Variants in FNTB observed in about 807,000 individuals in gnomAD.
FNTB encodes farnesyltransferase, CAAX box, subunit beta.
A neutral mutation model predicts 59.4 loss-of-function variants in FNTB; 27 were observed. The observed-to-expected ratio is 0.45, with a 90% CI of 0.34 to 0.63. The LOEUF (loss-of-function observed/expected upper bound fraction) is 0.63, where lower values mean the gene tolerates loss of function less well. Among genes scored for constraint, FNTB ranks in the 20% least tolerant of loss-of-function variants. The probability of loss-of-function intolerance (pLI) is 0.02; values close to 1 mark genes in which losing one functional copy is unlikely to be tolerated. For synonymous variants in FNTB, 230 were observed against 220.7 expected (o/e 1.04, Z -0.37); for missense variants, 449 against 559.6 (o/e 0.80, Z 1.99).
intron 1 of FNTB, among the ~76,000 whole-genome samples, chr14:65,000,838 A>AAAAAAAAAAAAAAAAAAAG (rs778200008): frequency 0.014 from 1,614 of 115,784 alleles, 112 homozygotes; most frequent in Non-Finnish European, 0.024. Context: ...AAAAAAAAAA[A>AAAAAAAAAAAAAAAAAAAG]AAAGAATAGT....
At chr14:65,019,952 G>C (rs2061854979) in intron 4 of FNTB, among the ~76,000 whole-genome samples, 1 of 152,120 alleles carries the variant, frequency 6.6e-6, no homozygotes, top group Non-Finnish European at 1.5e-5. Flanking sequence ...GAAATGCTTT[G>C]AAATGCGTTC....
Position 65,004,164 on chromosome 14 carries a change from G to T in FNTB, c.145-85G>T, listed in dbSNP as rs1239124987. The T allele has an allele frequency of 6.8e-6, 10 of 1,463,446 alleles. 1 individual carries two copies. In the Admixed American group the frequency reaches 1.8e-4, roughly 26 times the overall value. The allele number at this position is 1,463,446 out of a possible 1,614,324, so 90.7% of individuals were successfully genotyped here. On this transcript the variant is annotated intron_variant, in intron 1 of 11. Coordinates refer to ENST00000246166, the MANE Select transcript of FNTB (RefSeq NM_002028.4). ...CCATACCAACCAACCCTCGCCAATA[G>T]GCATTTGTGGCAATAGGAAGAAAAA...
At position 65,027,731 on chromosome 14, in the gene FNTB, G is replaced by A; in HGVS notation, c.555G>A (p.Lys185=). ...TTCTTCAGTATTTGTACTCCCTGAA[G>A]CAACCTGACGGCTCCTTTCTCATGC... ...EKLLQYLYSL[K]QPDGSFLMHV... is the part of the protein sequence containing the mutation. Residue 185 remains lysine, a synonymous_variant, in exon 6 of 12, where the codon AAG becomes AAA. Transcript: ENST00000246166. This position sits in a 1 kb window ranked among gnomAD's most constrained non-coding sequence, Gnocchi z 5.7. 6.2e-7 allele frequency: 1 copy of A among 1,614,210 alleles called. No homozygotes were observed. Among genetic ancestry groups the A allele is most frequent in the East Asian group, 2.2e-5 (1 of 44,884 alleles).
At position 65,032,304 on chromosome 14, in the gene FNTB, G is replaced by A; in HGVS notation, c.606-306G>A. The A allele has an allele frequency of 4.0e-6, 1 of 249,452 alleles. No individual in the cohort carries two copies. Among genetic ancestry groups the A allele is most frequent in the Non-Finnish European group, 7.6e-6 (1 of 130,738 alleles). 15.5% of individuals were successfully genotyped at this position (249,452 alleles called of 1,614,324 possible). A position where few individuals can be genotyped will look rare whatever the true frequency, so the allele number is the denominator to read the frequency against. ...CAACCATTATAGGTCTTTGAAAGAA[G>A]AGCTGAATCCACTTTTGACATGAAT... is the stretch of plus-strand genomic sequence containing the variant. On this transcript the variant is annotated intron_variant, in intron 6 of 11. Transcript: ENST00000246166. This position sits in a 1 kb window ranked among gnomAD's most constrained non-coding sequence, Gnocchi z 5.0.
chr14:65,039,910 C>T (rs2062307184), intron 7 of FNTB, among the ~76,000 whole-genome samples: 1 of 152,100 alleles, frequency 6.6e-6, no homozygotes, highest in Admixed American at 6.5e-5. Context: ...CACCAGAGGC[C>T]AAGTGCGGTG....
chr14:64,998,490 G>A (rs1183392347), intron 1 of FNTB, among the ~76,000 whole-genome samples: 2 of 152,228 alleles, frequency 1.3e-5, no homozygotes, highest in Non-Finnish European at 2.9e-5. Context: ...GGCAATTGCT[G>A]GACAGATGTC....
intron 2 of FNTB, among the ~76,000 whole-genome samples, chr14:65,006,673 A>G (rs1595003303): frequency 6.6e-6 from 1 of 152,156 alleles, no homozygotes; most frequent in Admixed American, 6.5e-5. Context: ...CTGGGGACAC[A>G]CAGCCTCTGT....
intron 4 of FNTB, among the ~76,000 whole-genome samples, chr14:65,016,171 G>A (rs2061770337): frequency 6.6e-6 from 1 of 152,304 alleles, no homozygotes; most frequent in South Asian, 2.1e-4. Context: ...TGTAGCTCTT[G>A]ATGGGACTGG....
chr14:65,012,838 ACTTTTCATAT>A lies in FNTB; in HGVS notation c.282+453_282+462del, dbSNP rs1373638266. Among the ~76,000 whole-genome samples, 11 of 152,250 alleles carry A rather than the reference ACTTTTCATAT, an allele frequency of 7.2e-5. No homozygotes were observed. Among genetic ancestry groups the A allele is most frequent in the African/African-American group, 2.4e-4 (10 of 41,470 alleles). ...CACCACTCCTTCTAGTAAGTACATT[ACTTTTCATAT>A]CTTCATTAAAGAGACAAAAAACCCT... is the stretch of plus-strand genomic sequence containing the variant. On this transcript the variant is annotated intron_variant, in intron 3 of 11. Transcript: ENST00000246166. The surrounding 1 kb of genome is among the most constrained non-coding windows in gnomAD (Gnocchi z 5.0).
chr14:65,056,540 T>C (rs957828716), intron 11 of FNTB, among the ~76,000 whole-genome samples: 9 of 152,084 alleles, frequency 5.9e-5, no homozygotes, highest in African/African-American at 2.2e-4. Context: ...GGGTGTGAAG[T>C]GGTATTTGTT....
Position 65,040,681 on chromosome 14 carries a change from G to A in FNTB, c.693-109G>A, listed in dbSNP as rs994089100. On this transcript the variant is annotated intron_variant, in intron 7 of 11. Coordinates refer to ENST00000246166, the MANE Select transcript of FNTB (RefSeq NM_002028.4). ...CATCTTTTCATTCATAGTTGTGATG[G>A]TTCACACCTTAATCTGAGTGAACTT... 5 of 1,260,064 alleles carry A rather than the reference G, an allele frequency of 4.0e-6. No individual in the cohort carries two copies. In the Admixed American group the frequency reaches 1.4e-4, roughly 36 times the overall value. The allele number at this position is 1,260,064 out of a possible 1,614,324, so 78.1% of individuals were successfully genotyped here. A position where few individuals can be genotyped will look rare whatever the true frequency, so the allele number is the denominator to read the frequency against.
intron 7 of FNTB, among the ~76,000 whole-genome samples, chr14:65,037,164 C>T (rs972519047): frequency 1.3e-4 from 20 of 150,198 alleles, no homozygotes; most frequent in South Asian, 8.4e-4. Context: ...AGTGCAATGG[C>T]GTGATCTCGG....
chr14:64,987,214 C>A, intron 1 of FNTB, 117 bp downstream of exon 1: 1 of 1,256,646 alleles, frequency 8.0e-7, no homozygotes, highest in Non-Finnish European at 1.1e-6. Context: ...CACAGCGCAC[C>A]GCGGTGCCTT....
intron 1 of FNTB, 32 bp downstream of exon 1, chr14:64,987,129 G>A (rs1466900505): frequency 6.2e-7 from 1 of 1,612,894 alleles, no homozygotes; most frequent in Non-Finnish European, 8.5e-7. Flanking sequence ...AGGCGCCCGC[G>A]CGATGTGTTC....
intron 7 of FNTB, among the ~76,000 whole-genome samples, chr14:65,034,048 C>T (rs1242507101): frequency 1.3e-5 from 2 of 152,074 alleles, no homozygotes; most frequent in Non-Finnish European, 2.9e-5. Context: ...TTTCATTTTC[C>T]TGGAGTTAAT....
chr14:65,061,933 C>T lies in FNTB; in HGVS notation c.*621C>T, dbSNP rs528637560. 1 of 153,494 alleles carries T rather than the reference C, an allele frequency of 6.5e-6. No homozygotes were observed. Among genetic ancestry groups the T allele is most frequent in the East Asian group, 1.9e-4 (1 of 5,216 alleles). 9.5% of individuals were successfully genotyped at this position (153,494 alleles called of 1,614,324 possible). On this transcript the variant is annotated 3_prime_UTR_variant, in exon 12 of 12. Coordinates refer to ENST00000246166, the MANE Select transcript of FNTB (RefSeq NM_002028.4). ...CACTGGAGAACTGAGCCTTGCATCT[C>T]TCCAGGGTCCAAGGCCACGCTTGGT...
Position 65,027,558 on chromosome 14 carries a change from G to T in FNTB, c.480G>T (p.Leu160Phe). 6.2e-7 allele frequency: 1 copy of T among 1,614,214 alleles called. No individual in the cohort carries two copies. Among genetic ancestry groups the T allele is most frequent in the East Asian group, 2.2e-5 (1 of 44,890 alleles). The change falls in exon 5 of 12, where the codon TTG becomes TTT. Residue 160 changes from leucine to phenylalanine, a missense_variant. Physicochemically the swap from Leu to Phe is conservative, Grantham distance 22. Coordinates refer to ENST00000246166, the MANE Select transcript of FNTB (RefSeq NM_002028.4). This position sits in a 1 kb window ranked among gnomAD's most constrained non-coding sequence, Gnocchi z 5.7. ...CCACATATGCAGCAGTCAATGCATTGTGCATCATTGGCACCGAGGAGGCCT... is the reference window on the plus strand; with the variant it reads ...CCACATATGCAGCAGTCAATGCATTTTGCATCATTGGCACCGAGGAGGCCT... ...LAPTYAAVNALCIIGTEEAYD... is the reference protein window; with the variant it reads ...LAPTYAAVNAFCIIGTEEAYD...
At chr14:65,052,163 C>CTGTATCATAAAAAGAA (rs2062630871) in intron 9 of FNTB, among the ~76,000 whole-genome samples, 2 of 152,034 alleles carry the variant, frequency 1.3e-5, no homozygotes, top group African/African-American at 4.8e-5. Context: ...GATACAGTTA[C>CTGTATCATAAAAAGAA]CTTATATGTC....
intron 2 of FNTB, 103 bp downstream of exon 2, chr14:65,004,416 T>A (rs2061550672): frequency 8.1e-7 from 1 of 1,240,020 alleles, no homozygotes; most frequent in Non-Finnish European, 1.1e-6. Flanking sequence ...GAGCATCTGC[T>A]GCAAGAATGG....
Sources: allele counts gnomAD v4.1 joint callset (sites outside exome capture counted in the v4.1 genomes callset), GRCh38; gene constraint gnomAD v4.1.1; non-coding constraint Gnocchi (gnomAD v3.1); transcripts MANE v1.5; gene names NCBI Gene and HGNC (gene_info 2026-07-23, HGNC 2026-07-21).